The following SH3D21 variants were observed in gnomAD, a reference collection of about 807,000 sequenced individuals.
SH3D21 encodes the protein manchette microtubule inner protein 1.
A neutral mutation model predicts 82.1 loss-of-function variants in SH3D21; 83 were observed. The observed-to-expected ratio is 1.01, with a 90% CI of 0.85 to 1.21. SH3D21 has a LOEUF of 1.21. Among genes scored for constraint, SH3D21 ranks in the 50% most tolerant of loss-of-function variants. SH3D21 has a pLI of 0.00. For synonymous variants in SH3D21, 383 were observed against 387.8 expected, an observed-to-expected ratio of 0.99 and a Z score of 0.15; for missense variants, 980 against 962.1, an observed-to-expected ratio of 1.02 and a Z score of -0.25.
At chr1:36,308,716 G>A (rs1345118082) in intron 9 of SH3D21, among the ~76,000 whole-genome samples, 8 of 152,210 alleles carry the variant, frequency 5.3e-5, no homozygotes, top group Admixed American at 5.2e-4. Context: ...GGGTACGGTG[G>A]CTCACGCCTG....
chr1:36,307,977 C>G lies in SH3D21; in HGVS notation c.538+14C>G. On this transcript the variant is annotated intron_variant, in intron 7 of 15. Transcript: ENST00000453908. This position sits in a 1 kb window ranked among gnomAD's most constrained non-coding sequence, Gnocchi z 5.4. ...ACCTGCAGACAGGTGAGCACCCATC[C>G]AAAGGGTCCCCCACTCCCTCAGCCA... is the stretch of plus-strand genomic sequence containing the variant. 1 of 1,551,638 alleles carries G rather than the reference C, an allele frequency of 6.4e-7. No homozygotes were observed. The highest frequency in any genetic ancestry group is 8.7e-7 in the Non-Finnish European group (1 of 1,147,006).
At chr1:36,313,763 C>T in intron 10 of SH3D21, among the ~76,000 whole-genome samples, 1 of 151,594 alleles carries the variant, frequency 6.6e-6, no homozygotes, top group African/African-American at 2.4e-5. Flanking sequence ...AAAGGTCTTG[C>T]TATGTTGCCC....
chr1:36,306,943 T>C lies in SH3D21; in HGVS notation c.226+38T>C. ...GCGGGGACGGGCGCCGGTGGGCGGG[T>C]GCACGGAGCCAGTGCGACCCCGGCG... is the stretch of plus-strand genomic sequence containing the variant. On this transcript the variant is annotated intron_variant, in intron 3 of 15. Transcript: ENST00000453908. This position sits in a 1 kb window ranked among gnomAD's most constrained non-coding sequence, Gnocchi z 4.5. 1 of 1,340,364 alleles carries C rather than the reference T, an allele frequency of 7.5e-7. No individual in the cohort carries two copies. The highest frequency in any genetic ancestry group is 4.1e-5 in the East Asian group (1 of 24,616). The allele number at this position is 1,340,364 out of a possible 1,614,324, so 83.0% of individuals were successfully genotyped here.
chr1:36,319,146 C>T lies in SH3D21; in HGVS notation c.845C>T (p.Thr282Ile). ...PTVKKLATATTGPSKAKTSRT... is the reference protein window; with the variant it reads ...PTVKKLATATIGPSKAKTSRT... ...GTCAAGAAGCTAGCAACAGCCACCACTGGGCCCAGCAAAGCCAAGTAAGGA... is the reference window on the plus strand; with the variant it reads ...GTCAAGAAGCTAGCAACAGCCACCATTGGGCCCAGCAAAGCCAAGTAAGGA... The change falls in exon 11 of 16, where the codon ACT becomes ATT. Residue 282 changes from threonine (T) to isoleucine (I), a missense_variant. Transcript: ENST00000453908. 6.4e-7 allele frequency: 1 copy of T among 1,551,726 alleles called. No individual in the cohort carries two copies. Among genetic ancestry groups the T allele is most frequent in the Non-Finnish European group, 8.7e-7 (1 of 1,146,940 alleles).
Position 36,320,607 on chromosome 1 carries a change from C to A in SH3D21, c.1944C>A (p.Pro648=), listed in dbSNP as rs761825083. ...TGGCTCCAAAAGAGGAGGTGCCCCC[C>A]ATAGAAAGAGCCTTTGCCCAAAAAA... The part of the protein sequence containing the change: ...EEVAPKEEVP[P]IERAFAQKTR... Residue 648 remains proline, a synonymous_variant, in exon 14 of 16, where the codon CCC becomes CCA. Coordinates refer to ENST00000453908, the MANE Select transcript of SH3D21 (RefSeq NM_001162530.2). 3 of 1,614,242 alleles carry A rather than the reference C, an allele frequency of 1.9e-6. No homozygotes were observed. Among genetic ancestry groups the A allele is most frequent in the South Asian group, 1.1e-5 (1 of 91,090 alleles).
At position 36,320,601 on chromosome 1, in the gene SH3D21, GC is replaced by G. The variant is rs754210279; in HGVS notation, c.1944del (p.Ile649Ter). ...KEEVAPKEEV[P>X]PIERAFAQKT... is the part of the protein sequence containing the mutation. ...AGGAAGTGGCTCCAAAAGAGGAGGT[GC>G]CCCCCATAGAAAGAGCCTTTGCCCA... is the stretch of plus-strand genomic sequence containing the variant. On this transcript the variant is annotated frameshift_variant, in exon 14 of 16. Transcript: ENST00000453908. LOFTEE classifies it high-confidence loss of function. 6 of 1,614,156 alleles carry G rather than the reference GC, an allele frequency of 3.7e-6. No individual in the cohort carries two copies. In the Admixed American group the frequency reaches 5.0e-5, roughly 13 times the overall value.
downstream of SH3D21, chr1:36,323,524 G>GCCGCCCCCGC (rs1646504923): frequency 6.6e-6 from 1 of 152,076 alleles, no homozygotes; most frequent in South Asian, 2.1e-4. Flanking sequence ...ACTGGGTCCG[G>GCCGCCCCCGC]CCGCCCCCGC....
intron 10 of SH3D21, among the ~76,000 whole-genome samples, chr1:36,317,221 G>A (rs1646360482): frequency 6.6e-6 from 1 of 152,222 alleles, no homozygotes. Context: ...CCTACAAGGT[G>A]TGTGTTAGTT....
In SH3D21 at chr1:36,308,187, A is replaced by T. The variant is rs1646168629; in HGVS notation, c.617A>T (p.Asp206Val). ...GACGAGTTGGCGCTGCGGAGGGGGG[A>T]CGTGGTAAAAGTACTCAGCAAGGTG... is the stretch of plus-strand genomic sequence containing the variant. ...APDELALRRG[D>V]VVKVLSKTTE... The change falls in exon 8 of 16, where the codon GAC (aspartate) becomes GTC (valine). Residue 206 changes from aspartate (D) to valine (V), a missense_variant. Coordinates refer to ENST00000453908, the MANE Select transcript of SH3D21 (RefSeq NM_001162530.2). The T allele has an allele frequency of 1.9e-6, 3 of 1,543,804 alleles. No individual in the cohort carries two copies. The highest frequency in any genetic ancestry group is 2.6e-6 in the Non-Finnish European group (3 of 1,143,142).
intron 10 of SH3D21, among the ~76,000 whole-genome samples, chr1:36,313,967 A>ATTTTTTTTTTTTTTTTTT (rs1207014644): frequency 1.4e-4 from 5 of 36,930 alleles, no homozygotes; most frequent in African/African-American, 2.8e-4. Flanking sequence ...TGCTGAACAT[A>ATTTTTTTTTTTTTTTTTT]TTTTCTTTTT....
In SH3D21 at chr1:36,307,761, C is replaced by A; in HGVS notation, c.437-9C>A. The A allele has an allele frequency of 6.4e-7, 1 of 1,551,540 alleles. No homozygotes were observed. Among genetic ancestry groups the A allele is most frequent in the Non-Finnish European group, 8.7e-7 (1 of 1,146,868 alleles). On this transcript the variant is annotated splice_polypyrimidine_tract_variant and intron_variant, in intron 5 of 15. Transcript: ENST00000453908. This position sits in a 1 kb window ranked among gnomAD's most constrained non-coding sequence, Gnocchi z 5.4. ...TAGCACCCTCCCTAACCTCACTGTC[C>A]CCCACTAGGCCTTGGTAACCCAGAC...
Position 36,320,951 on chromosome 1 carries a change from C to G in SH3D21, c.2172C>G (p.Ser724Arg). 1.3e-6 allele frequency: 2 copies of G among 1,569,856 alleles called. No individual in the cohort carries two copies. The highest frequency in any genetic ancestry group is 1.7e-6 in the Non-Finnish European group (2 of 1,157,516). Residue 724 changes from serine to arginine, a missense_variant, in exon 15 of 16, where the codon AGC becomes AGG. Ser to Arg is a moderately radical substitution (Grantham distance 110). Transcript: ENST00000453908. ...KLTDIWEELKSEKEQRRRLEV... is the reference protein window; with the variant it reads ...KLTDIWEELKREKEQRRRLEV... ...CCGACATCTGGGAGGAGCTGAAGAG[C>G]GAGAAGGAGCAGCGCCGGCGGCTGG...
At position 36,306,671 on chromosome 1, in the gene SH3D21, G is replaced by A; in HGVS notation, c.78G>A (p.Arg26=). The A allele has an allele frequency of 1.5e-6, 2 of 1,298,852 alleles. No homozygotes were observed. The highest frequency in any genetic ancestry group is 2.0e-6 in the Non-Finnish European group (2 of 988,270). 80.5% of individuals were successfully genotyped at this position (1,298,852 alleles called of 1,614,324 possible). Residue 26 remains arginine, a synonymous_variant, in exon 2 of 16, where the codon CGG becomes CGA. Transcript: ENST00000453908. The surrounding 1 kb of genome is among the most constrained non-coding windows in gnomAD (Gnocchi z 4.5). ...GTCTGGCGCCCGGGGACGTGGTCCG[G>A]CAGGTGCGCTGGGTGCCCGCGCGGG... ...ELSLAPGDVV[R]QVRWVPARGW... is the part of the protein sequence containing the mutation.
In SH3D21 at chr1:36,307,783, A is replaced by G. The variant is rs1646159542; in HGVS notation, c.450A>G (p.Pro150=). 2 of 1,551,688 alleles carry G rather than the reference A, an allele frequency of 1.3e-6. No individual in the cohort carries two copies. The highest frequency in any genetic ancestry group is 2.7e-5 in the African/African-American group (2 of 73,018). The part of the protein sequence containing the change: ...LDSGPPSLGN[P]DMPSVSPGPQ... The stretch of plus-strand genomic sequence containing the variant: ...GTCCCCCACTAGGCCTTGGTAACCC[A>G]GACATGCCTTCAGTCAGCCCTGGTC... The change falls in exon 6 of 16, where the codon CCA becomes CCG. Residue 150 remains proline, a synonymous_variant. Transcript: ENST00000453908. This position sits in a 1 kb window ranked among gnomAD's most constrained non-coding sequence, Gnocchi z 5.4.
At position 36,312,958 on chromosome 1, in the gene SH3D21, C is replaced by T. The variant is rs986971270; in HGVS notation, c.769+3368C>T. ...CGAACTCCTGACTTTGTGGTCTGCC[C>T]GGCTTGGCCTCCCAAAGTGCTGGGA... On this transcript the variant is annotated intron_variant, in intron 10 of 15. Coordinates refer to ENST00000453908, the MANE Select transcript of SH3D21 (RefSeq NM_001162530.2). Among the ~76,000 whole-genome samples the T allele has an allele frequency of 7.2e-5, 11 of 152,096 alleles. No individual in the cohort carries two copies. The East Asian group carries it at 1.2e-3, about 16-fold the overall frequency.
At position 36,313,967 on chromosome 1, in the gene SH3D21, ATTTTCTT is replaced by A. The variant is rs1349832390; in HGVS notation, c.769+4382_769+4388del. 9.8e-3 allele frequency among the ~76,000 whole-genome samples: 362 copies of A among 36,938 alleles called. 12 individuals are homozygous for A. The highest frequency in any genetic ancestry group is 0.024 in the African/African-American group (346 of 14,226). 24.2% of individuals were successfully genotyped at this position (36,938 alleles called of 152,430 possible). On this transcript the variant is annotated intron_variant, in intron 10 of 15. Transcript: ENST00000453908. ...TCTGATGGCTAATGATGCTGAACATATTTTCTTTTTTTTTTTTTTTTTTTTGAGACGG... is the reference window on the plus strand; with the variant it reads ...TCTGATGGCTAATGATGCTGAACATATTTTTTTTTTTTTTTTTTGAGACGG...
At position 36,321,268 on chromosome 1, in the gene SH3D21, G is replaced by C; in HGVS notation, c.*141G>C. 1 of 1,461,322 alleles carries C rather than the reference G, an allele frequency of 6.8e-7. No individual in the cohort carries two copies. Among genetic ancestry groups the C allele is most frequent in the Non-Finnish European group, 9.0e-7 (1 of 1,110,568 alleles). The allele number at this position is 1,461,322 out of a possible 1,614,324, so 90.5% of individuals were successfully genotyped here. On this transcript the variant is annotated 3_prime_UTR_variant, in exon 16 of 16. Coordinates refer to ENST00000453908, the MANE Select transcript of SH3D21 (RefSeq NM_001162530.2). The surrounding 1 kb of genome is among the most constrained non-coding windows in gnomAD (Gnocchi z 6.1). ...TGGTCGCTGGGGGCGGGGCCTGCGC[G>C]GGGGCAGGGCCTGGGCCTCCGCATT... is the stretch of plus-strand genomic sequence containing the variant.
chr1:36,306,736 T>C lies in SH3D21; in HGVS notation c.143T>C (p.Phe48Ser). 1 of 1,289,676 alleles carries C rather than the reference T, an allele frequency of 7.8e-7. No individual in the cohort carries two copies. The highest frequency in any genetic ancestry group is 1.0e-6 in the Non-Finnish European group (1 of 986,786). 79.9% of individuals were successfully genotyped at this position (1,289,676 alleles called of 1,614,324 possible). The change falls in exon 2 of 16, where the codon TTC (phenylalanine) becomes TCC (serine). Residue 48 changes from phenylalanine (F) to serine (S), a missense_variant. Phe to Ser is a radical substitution (Grantham distance 155). Transcript: ENST00000453908. This position sits in a 1 kb window ranked among gnomAD's most constrained non-coding sequence, Gnocchi z 4.5. The part of the protein sequence containing the change: ...RGEFGGRYGL[F>S]PERLVQEIPE... Reference sequence around the variant, plus strand: ...GAGTTTGGGGGCCGCTATGGCCTCTTCCCCGAGCGCCTGGTGCAGGTGAGG... The same window carrying C: ...GAGTTTGGGGGCCGCTATGGCCTCTCCCCCGAGCGCCTGGTGCAGGTGAGG...
downstream of SH3D21, chr1:36,328,112 T>C (rs1416610148): frequency 4.4e-6 from 2 of 457,344 alleles, no homozygotes; most frequent in Non-Finnish European, 8.8e-6. Context: ...CCTGTGAGAC[T>C]AGAGATTTGT....
Sources: gnomAD v4.1 joint callset for allele counts (sites outside exome capture counted in the v4.1 genomes callset) on GRCh38, gnomAD v4.1.1 for gene constraint, Gnocchi (gnomAD v3.1) non-coding constraint, MANE v1.5 for transcripts, NCBI Gene and HGNC (gene_info 2026-07-23, HGNC 2026-07-21) for gene names.